Variants in PLCL1 observed in about 807,000 individuals in gnomAD.
The protein encoded by PLCL1 is inactive phospholipase C-like protein 1.
Under a neutral mutation model 84.4 loss-of-function variants are expected in PLCL1, and 41 were observed. The ratio of observed to expected loss-of-function variants is 0.49; its 90% CI spans 0.38 to 0.63. The LOEUF is 0.63. Ranked by LOEUF, PLCL1 falls within the 30% of genes least tolerant of loss-of-function variation. The probability of loss-of-function intolerance (pLI) is 0.00; values close to 1 mark genes in which losing one functional copy is unlikely to be tolerated. For synonymous variants in PLCL1, 490 were observed against 488.3 expected (o/e 1.00, Z -0.05); for missense variants, 1,206 against 1,367.8 (o/e 0.88, Z 1.87).
intron 1 of PLCL1, among the ~76,000 whole-genome samples, chr2:197,809,895 A>C (rs1352855058): frequency 1.3e-5 from 2 of 151,750 alleles, no homozygotes; most frequent in African/African-American, 4.8e-5. Flanking sequence ...ATTAGTTAAA[A>C]ATTTTAGGCA....
In PLCL1 at chr2:197,866,176, CTA is replaced by C. The variant is rs534931453; in HGVS notation, c.240+60850_240+60851del. ...TATATAAACTATATATATATATAAA[CTA>C]TATATATATATAAACTATATATATA... On this transcript the variant is annotated intron_variant, in intron 1 of 5. Transcript: ENST00000428675. Among the ~76,000 whole-genome samples the C allele has an allele frequency of 1.8e-4, 13 of 73,560 alleles. 1 individual carries two copies. The highest frequency in any genetic ancestry group is 6.4e-4 in the East Asian group (2 of 3,144). The allele number at this position is 73,560 out of a possible 152,430, so 48.3% of individuals were successfully genotyped here.
chr2:198,132,382 T>C (rs1228734089), intron 5 of PLCL1, among the ~76,000 whole-genome samples: 6 of 152,140 alleles, frequency 3.9e-5, no homozygotes, highest in African/African-American at 1.4e-4. Context: ...ATGGACAGCA[T>C]TGCATAAGGC....
At chr2:197,976,273 A>G (rs1689978364) in intron 1 of PLCL1, among the ~76,000 whole-genome samples, 1 of 151,968 alleles carries the variant, frequency 6.6e-6, no homozygotes. Context: ...TCCATCTTAC[A>G]TTCAACTCAC....
chr2:197,866,523 A>G (rs1404155428), intron 1 of PLCL1, among the ~76,000 whole-genome samples: 1 of 151,982 alleles, frequency 6.6e-6, no homozygotes, highest in Non-Finnish European at 1.5e-5. Context: ...TGAACTTTCT[A>G]CTGTCAGCAC....
intron 1 of PLCL1, among the ~76,000 whole-genome samples, chr2:198,043,028 G>A (rs1274423008): frequency 1.3e-5 from 2 of 152,164 alleles, no homozygotes. Flanking sequence ...TCCAAGAGAG[G>A]ATATATTGGC....
chr2:198,009,276 C>A (rs1690809060), intron 1 of PLCL1, among the ~76,000 whole-genome samples: 1 of 151,902 alleles, frequency 6.6e-6, no homozygotes, highest in Non-Finnish European at 1.5e-5. Flanking sequence ...AGTCCTGAGG[C>A]TTTACCCCTA....
Position 198,147,136 on chromosome 2 carries a change from G to A in PLCL1, c.*174G>A, listed in dbSNP as rs760451508. The A allele has an allele frequency of 1.9e-6, 1 of 527,906 alleles. No homozygotes were observed. Among genetic ancestry groups the A allele is most frequent in the Non-Finnish European group, 3.3e-6 (1 of 303,944 alleles). The allele number at this position is 527,906 out of a possible 1,614,324, so 32.7% of individuals were successfully genotyped here. A position where few individuals can be genotyped will look rare whatever the true frequency, so the allele number is the denominator to read the frequency against. ...GTGTAGTTAATTTATCTAAATTAAA[G>A]CCTTTAGTATCAGTGTTTTAAATTC... On this transcript the variant is annotated 3_prime_UTR_variant, in exon 6 of 6. Transcript: ENST00000428675.
intron 1 of PLCL1, among the ~76,000 whole-genome samples, chr2:198,046,141 AT>A (rs1017273952): frequency 6.6e-6 from 1 of 152,180 alleles, no homozygotes; most frequent in Non-Finnish European, 1.5e-5. Context: ...AGACATAATC[AT>A]TTGTTTATGT....
At chr2:197,951,483 G>A (rs1393244094) in intron 1 of PLCL1, among the ~76,000 whole-genome samples, 3 of 152,132 alleles carry the variant, frequency 2.0e-5, no homozygotes, top group African/African-American at 7.2e-5. Flanking sequence ...TCCTTTGGCT[G>A]TGGAATTTAT....
chr2:198,127,021 T>A (rs1406941836), intron 5 of PLCL1, among the ~76,000 whole-genome samples: 1 of 142,470 alleles, frequency 7.0e-6, no homozygotes, highest in Non-Finnish European at 1.5e-5. Flanking sequence ...TGGGGGGTGG[T>A]GTATTCTTAG....
At chr2:198,088,713 C>A in intron 2 of PLCL1, 145 bp from the exon 3 acceptor site, 1 of 709,198 alleles carries the variant, frequency 1.4e-6, no homozygotes, top group South Asian at 1.6e-5. Flanking sequence ...GTGGTGATTG[C>A]TAAAAATTGA....
intron 1 of PLCL1, among the ~76,000 whole-genome samples, chr2:198,062,434 T>C (rs1289487907): frequency 1.3e-5 from 2 of 152,214 alleles, no homozygotes; most frequent in African/African-American, 4.8e-5. Flanking sequence ...AACTCAATTA[T>C]ATATACTTCT....
intron 1 of PLCL1, among the ~76,000 whole-genome samples, chr2:197,923,221 C>G (rs1275994438): frequency 6.7e-6 from 1 of 148,732 alleles, no homozygotes; most frequent in Non-Finnish European, 1.5e-5. Context: ...CCCCCCACCT[C>G]CCTCCCGGAT....
In PLCL1 at chr2:198,081,669, T is replaced by C. The variant is rs145259479; in HGVS notation, c.241-2089T>C. Among the ~76,000 whole-genome samples, 341 of 152,356 alleles carry C rather than the reference T, an allele frequency of 2.2e-3. 5 individuals carry two copies. Among genetic ancestry groups the C allele is most frequent in the South Asian group, 0.013 (65 of 4,822 alleles). The stretch of plus-strand genomic sequence containing the variant: ...AATCTAAATTGGGTAATTTATATCA[T>C]TGTCACTTGAAGATCTGATATAAAT... On this transcript the variant is annotated intron_variant, in intron 1 of 5. Transcript: ENST00000428675.
intron 1 of PLCL1, among the ~76,000 whole-genome samples, chr2:197,964,961 T>C (rs1311730257): frequency 6.6e-6 from 1 of 152,156 alleles, no homozygotes; most frequent in Non-Finnish European, 1.5e-5. Flanking sequence ...TTTTTTAATA[T>C]GCTATTGAAT....
intron 1 of PLCL1, among the ~76,000 whole-genome samples, chr2:197,883,538 T>C (rs1182205552): frequency 6.6e-6 from 1 of 152,158 alleles, no homozygotes; most frequent in Non-Finnish European, 1.5e-5. Flanking sequence ...TAATGGGTCA[T>C]GTAAGGGAAG....
intron 1 of PLCL1, among the ~76,000 whole-genome samples, chr2:198,056,806 C>G (rs1486678836): frequency 1.8e-4 from 27 of 151,666 alleles, no homozygotes; most frequent in Admixed American, 1.4e-3. Context: ...GTAGATAGAC[C>G]TGTTGAAGTG....
intron 1 of PLCL1, among the ~76,000 whole-genome samples, chr2:198,018,140 C>G (rs1157936779): frequency 6.6e-6 from 1 of 152,142 alleles, no homozygotes; most frequent in African/African-American, 2.4e-5. Flanking sequence ...TTGGGGAACT[C>G]CCTTCCTATC....
intron 1 of PLCL1, among the ~76,000 whole-genome samples, chr2:198,029,261 T>C (rs931493029): frequency 6.6e-6 from 1 of 152,242 alleles, no homozygotes; most frequent in African/African-American, 2.4e-5. Context: ...ATTTACTACA[T>C]TGTATAGGTC....
Sources: gnomAD v4.1 joint callset for allele counts (sites outside exome capture counted in the v4.1 genomes callset) on GRCh38, gnomAD v4.1.1 for gene constraint, MANE v1.5 for transcripts, NCBI Gene and HGNC (gene_info 2026-07-23, HGNC 2026-07-21) for gene names.